The following MATCAP2 variants were observed in gnomAD, a reference collection of about 807,000 sequenced individuals.
The protein encoded by MATCAP2 is putative tyrosine carboxypeptidase MATCAP2.
At chr7:36,329,187 T>C in the MATCAP2 span, among the ~76,000 whole-genome samples, 19 of 152,228 alleles carry the variant, frequency 1.2e-4, no homozygotes, top group Non-Finnish European at 2.6e-4. Flanking sequence ...TTGTTGATAT[T>C]GGTATGGTTT....
chr7:36,352,985 A>C, the MATCAP2 span, among the ~76,000 whole-genome samples: 6,162 of 152,038 alleles, frequency 0.041, 165 homozygotes, highest in African/African-American at 0.064. Context: ...TCAAGATGCT[A>C]CAGGTCAGGC....
At chr7:36,366,987 AG>A in the MATCAP2 span, 1 of 1,325,368 alleles carries the variant, frequency 7.5e-7, no homozygotes, top group Non-Finnish European at 9.6e-7. Flanking sequence ...CTCAGGGGAA[AG>A]GGCCGCGCAG....
At chr7:36,390,101 C>T in the MATCAP2 span, 1 of 1,611,644 alleles carries the variant, frequency 6.2e-7, no homozygotes. Context: ...CCCCCACCCA[C>T]CTTCCTCTGT....
At chr7:36,334,362 C>T in the MATCAP2 span, among the ~76,000 whole-genome samples, 2 of 151,732 alleles carry the variant, frequency 1.3e-5, no homozygotes, top group South Asian at 2.1e-4. Context: ...CATGGTGAAA[C>T]ATGTCTACCA....
At chr7:36,389,678 G>A in the MATCAP2 span, 1 of 243,656 alleles carries the variant, frequency 4.1e-6, no homozygotes. Context: ...CCCGCTGCCC[G>A]CCTCCACCCC....
At chr7:36,326,889 T>C in the MATCAP2 span, 1 of 1,612,122 alleles carries the variant, frequency 6.2e-7, no homozygotes, top group Middle Eastern at 1.7e-4. Context: ...CTGCCAATCC[T>C]TTTAAGCGAT....
chr7:36,355,299 A>G, the MATCAP2 span: 1 of 152,222 alleles, frequency 6.6e-6, no homozygotes, highest in Non-Finnish European at 1.5e-5. Flanking sequence ...ATAATCTCCT[A>G]AAGTAGGTAT....
chr7:36,390,226 G>A, the MATCAP2 span: 1 of 941,508 alleles, frequency 1.1e-6, no homozygotes, highest in Non-Finnish European at 1.6e-6. Flanking sequence ...GTTCCTCTGA[G>A]ATTTTGTTGT....
chr7:36,342,404 C>G, the MATCAP2 span, among the ~76,000 whole-genome samples: 3 of 144,430 alleles, frequency 2.1e-5, no homozygotes, highest in South Asian at 6.4e-4. Flanking sequence ...GGTCTTAACA[C>G]TCTTTCATCT....
At chr7:36,377,042 A>G in the MATCAP2 span, among the ~76,000 whole-genome samples, 1 of 151,838 alleles carries the variant, frequency 6.6e-6, no homozygotes, top group Non-Finnish European at 1.5e-5. Flanking sequence ...GATGGGTCTT[A>G]ACTCTTTATC....
At chr7:36,360,859 T>C in the MATCAP2 span, among the ~76,000 whole-genome samples, 2 of 152,224 alleles carry the variant, frequency 1.3e-5, no homozygotes, top group African/African-American at 4.8e-5. Flanking sequence ...CAGACTTATT[T>C]GGAGGAAGTG....
At chr7:36,387,948 G>GT in the MATCAP2 span, among the ~76,000 whole-genome samples, 4 of 151,974 alleles carry the variant, frequency 2.6e-5, no homozygotes, top group Admixed American at 6.6e-5. Flanking sequence ...AAAAATGGAA[G>GT]TATCTTTTTC....
At chr7:36,346,455 C>G in the MATCAP2 span, among the ~76,000 whole-genome samples, 2 of 152,106 alleles carry the variant, frequency 1.3e-5, no homozygotes, top group African/African-American at 4.8e-5. Flanking sequence ...ATAAAAAATG[C>G]TGATGCATGC....
the MATCAP2 span, among the ~76,000 whole-genome samples, chr7:36,379,278 T>C: frequency 1.3e-5 from 2 of 152,136 alleles, no homozygotes; most frequent in Non-Finnish European, 2.9e-5. Context: ...GTGGGGCTGA[T>C]GAGATCACCT....
chr7:36,356,977 C>T, the MATCAP2 span: 2 of 1,614,232 alleles, frequency 1.2e-6, no homozygotes, highest in Non-Finnish European at 1.7e-6. Flanking sequence ...CATACTCAAA[C>T]TGAGGATTGT....
At chr7:36,337,985 A>G in the MATCAP2 span, among the ~76,000 whole-genome samples, 4 of 152,244 alleles carry the variant, frequency 2.6e-5, no homozygotes, top group African/African-American at 9.6e-5. Flanking sequence ...ATTCCTATCT[A>G]AAGGGCCAGC....
chr7:36,357,464 G>T, the MATCAP2 span: 1 of 1,614,112 alleles, frequency 6.2e-7, no homozygotes, highest in Non-Finnish European at 8.5e-7. Context: ...GGTTCCAGTT[G>T]TGAAAATGTC....
At chr7:36,327,163 A>C in the MATCAP2 span, among the ~76,000 whole-genome samples, 1 of 151,948 alleles carries the variant, frequency 6.6e-6, no homozygotes, top group Non-Finnish European at 1.5e-5. Flanking sequence ...CCTGAGATGG[A>C]GTTTCATTCT....
At chr7:36,377,024 AGCACACTGATG>A in the MATCAP2 span, among the ~76,000 whole-genome samples, 1 of 152,180 alleles carries the variant, frequency 6.6e-6, no homozygotes, top group Non-Finnish European at 1.5e-5. Flanking sequence ...TCCTGAATAC[AGCACACTGATG>A]GGTCTTAACT....
Sources: allele counts gnomAD v4.1 joint callset (sites outside exome capture counted in the v4.1 genomes callset), GRCh38; gene constraint gnomAD v4.1.1; transcripts MANE v1.5; gene names NCBI Gene and HGNC (gene_info 2026-07-23, HGNC 2026-07-21).